Variants in NUP210 observed in about 807,000 individuals in gnomAD.
The protein encoded by NUP210 is nuclear pore membrane glycoprotein 210.
Under a neutral mutation model 196.0 loss-of-function variants are expected in NUP210, and 151 were observed. The ratio of observed to expected loss-of-function variants is 0.77; its 90% confidence interval spans 0.67 to 0.88. The LOEUF is 0.88. Ranked by LOEUF, NUP210 falls within the 40% of genes least tolerant of loss-of-function variation. The pLI is 0.00. For synonymous variants in NUP210, 1,070 were observed against 1,052.7 expected, an observed-to-expected ratio of 1.02 and a Z score of -0.32; for missense variants, 2,314 against 2,493.7, an observed-to-expected ratio of 0.93 and a Z score of 1.53.
intron 1 of NUP210, among the ~76,000 whole-genome samples, chr3:13,408,640 T>C (rs983103305): frequency 6.6e-6 from 1 of 151,966 alleles, no homozygotes; most frequent in Admixed American, 6.6e-5. Context: ...ATACAAAAAT[T>C]AGCCAGGCAT....
rs1329851927 is a variant in NUP210 at position 13,340,583 on chromosome 3, G to A, written c.3229-285C>T. ...AGCTGGGCCGTCCCCTTGGAGGGAT[G>A]GCTTTTATGCAGTTGAGCCATCCCC... On this transcript the variant is annotated intron_variant, in intron 23 of 39. Transcript: ENST00000254508. The surrounding 1 kb of genome is among the most constrained non-coding windows in gnomAD (Gnocchi z 4.0). Among the ~76,000 whole-genome samples, 4 of 152,192 alleles carry A rather than the reference G, an allele frequency of 2.6e-5. No individual in the cohort carries two copies. The highest frequency in any genetic ancestry group is 9.7e-5 in the African/African-American group (4 of 41,446).
At chr3:13,385,748 C>A (rs1198545286) in intron 6 of NUP210, among the ~76,000 whole-genome samples, 2 of 152,202 alleles carry the variant, frequency 1.3e-5, no homozygotes, top group East Asian at 3.9e-4. Flanking sequence ...GCATTACTCA[C>A]AATGGCCAAA....
At chr3:13,391,115 G>T in intron 4 of NUP210, 96 bp downstream of exon 4, 1 of 805,910 alleles carries the variant, frequency 1.2e-6, no homozygotes. Context: ...ACTCCTCAAT[G>T]ACCCAGATGA....
intron 10 of NUP210, 29 bp downstream of exon 10, chr3:13,376,262 G>A: frequency 1.2e-6 from 2 of 1,611,748 alleles, no homozygotes; most frequent in Non-Finnish European, 1.7e-6. Flanking sequence ...CATAGGACAA[G>A]GCACGACGCA....
intron 30 of NUP210, among the ~76,000 whole-genome samples, chr3:13,329,852 G>A (rs1348537953): frequency 1.3e-5 from 2 of 152,220 alleles, no homozygotes; most frequent in Non-Finnish European, 1.5e-5. Context: ...GCAGTGCCAT[G>A]ATATGGCAGA....
chr3:13,366,165 G>A (rs1044581259), intron 13 of NUP210, 74 bp from the exon 14 acceptor site: 43 of 1,461,788 alleles, frequency 2.9e-5, no homozygotes, highest in Non-Finnish European at 3.7e-5. Flanking sequence ...GTCTCGCTGT[G>A]TTGCCCAGGC....
chr3:13,346,032 C>T (rs1430916727), intron 20 of NUP210, among the ~76,000 whole-genome samples: 1 of 152,236 alleles, frequency 6.6e-6, no homozygotes, highest in African/African-American at 2.4e-5. Flanking sequence ...GGCTTTTTCT[C>T]TTTTTTCCTC....
rs1559322836 is a variant in NUP210, at chr3:13,350,479, A to AAAAAC, written c.2835+1395_2835+1399dup. On this transcript the variant is annotated intron_variant, in intron 20 of 39. Coordinates refer to ENST00000254508, the MANE Select transcript of NUP210 (RefSeq NM_024923.4). This position sits in a 1 kb window ranked among gnomAD's most constrained non-coding sequence, Gnocchi z 4.1. ...AAACAAAACAAAACAAAACAAAACA[A>AAAAAC]AAAACAAAACAAAACAGGAAAACAT... Among the ~76,000 whole-genome samples, 3 of 64,252 alleles carry AAAAAC rather than the reference A, an allele frequency of 4.7e-5. No individual in the cohort carries two copies. Among genetic ancestry groups the AAAAAC allele is most frequent in the Admixed American group, 1.5e-4 (1 of 6,692 alleles). The allele number at this position is 64,252 out of a possible 152,430, so 42.2% of individuals were successfully genotyped here. A position where few individuals can be genotyped will look rare whatever the true frequency, so the allele number is the denominator to read the frequency against.
intron 3 of NUP210, among the ~76,000 whole-genome samples, chr3:13,394,620 C>T (rs1699594588): frequency 6.6e-6 from 1 of 152,234 alleles, no homozygotes; most frequent in Non-Finnish European, 1.5e-5. Context: ...TACTGAAGCT[C>T]TCTGAGCCTC....
At chr3:13,320,027 G>GA in intron 36 of NUP210, 48 bp from the exon 37 acceptor site, 2 of 1,557,656 alleles carry the variant, frequency 1.3e-6, no homozygotes, top group South Asian at 2.2e-5. Context: ...AGAGTGGGGG[G>GA]ACCACTGAGC....
At chr3:13,415,730 C>A (rs756808105) in intron 1 of NUP210, among the ~76,000 whole-genome samples, 1 of 152,274 alleles carries the variant, frequency 6.6e-6, no homozygotes, top group South Asian at 2.1e-4. Flanking sequence ...GGCCCTGTTG[C>A]CTCACCTGTG....
Position 13,330,347 on chromosome 3 carries a change from TGTCTACA to T in NUP210, c.4110+106_4110+112del, listed in dbSNP as rs1696944835. ...TTGCCCCTGAGTTACTCTAAATGCCTGTCTACAGTTTCTTAGCTGGAAGGTGAACGTA... is the reference window on the plus strand; with the variant it reads ...TTGCCCCTGAGTTACTCTAAATGCCTGTTTCTTAGCTGGAAGGTGAACGTA... On this transcript the variant is annotated intron_variant, in intron 30 of 39. Transcript: ENST00000254508. 6.9e-6 allele frequency: 7 copies of T among 1,021,272 alleles called. No individual in the cohort carries two copies. In the Admixed American group the frequency reaches 1.1e-4, roughly 16 times the overall value. 63.3% of individuals were successfully genotyped at this position (1,021,272 alleles called of 1,614,324 possible). A position where few individuals can be genotyped will look rare whatever the true frequency, so the allele number is the denominator to read the frequency against.
chr3:13,389,148 T>A (rs988451063), intron 4 of NUP210, among the ~76,000 whole-genome samples: 3 of 152,210 alleles, frequency 2.0e-5, no homozygotes, highest in African/African-American at 7.2e-5. Flanking sequence ...GCACTGTGAT[T>A]TATTTCCTCG....
chr3:13,341,556 G>A (rs546135359), intron 23 of NUP210, among the ~76,000 whole-genome samples, 192 bp downstream of exon 23: 10 of 152,164 alleles, frequency 6.6e-5, no homozygotes, highest in Non-Finnish European at 1.2e-4. Flanking sequence ...CCTCCCTCTG[G>A]TTCTGCCAGT....
At chr3:13,418,060 C>A (rs1003186604) in intron 1 of NUP210, among the ~76,000 whole-genome samples, 3 of 152,224 alleles carry the variant, frequency 2.0e-5, no homozygotes, top group African/African-American at 4.8e-5. Flanking sequence ...TGCCCACATA[C>A]TGAGAGGACA....
rs898643993 is a variant in NUP210, at chr3:13,317,851, G to A, written c.5564-70C>T. The A allele has an allele frequency of 6.3e-6, 7 of 1,102,864 alleles. No homozygotes were observed. In the Admixed American group the frequency reaches 8.5e-5, roughly 13 times the overall value. 68.3% of individuals were successfully genotyped at this position (1,102,864 alleles called of 1,614,324 possible). On this transcript the variant is annotated intron_variant, in intron 39 of 39. Transcript: ENST00000254508. ...GCGGCGCACTCTTCAGTTACAGCCA[G>A]CATTCAGCAGGCGCCTGCCTCACCC...
At chr3:13,368,214 T>C (rs568971660) in intron 13 of NUP210, among the ~76,000 whole-genome samples, 1 of 152,260 alleles carries the variant, frequency 6.6e-6, no homozygotes, top group African/African-American at 2.4e-5. Flanking sequence ...TAGTTGGGAC[T>C]ACAGGAGTGA....
chr3:13,342,605 A>G (rs1224338676), intron 21 of NUP210, among the ~76,000 whole-genome samples: 1 of 152,214 alleles, frequency 6.6e-6, no homozygotes, highest in Non-Finnish European at 1.5e-5. Flanking sequence ...AAGCCACATG[A>G]ACACTCCCCT....
intron 16 of NUP210, among the ~76,000 whole-genome samples, chr3:13,355,201 C>G (rs17038065): frequency 0.1 from 15,694 of 152,234 alleles, 1,727 homozygotes; most frequent in African/African-American, 0.28. Context: ...CCATGAGCAT[C>G]ATTCACAAAC....
Sources: gnomAD v4.1 joint callset for allele counts (sites outside exome capture counted in the v4.1 genomes callset) on GRCh38, gnomAD v4.1.1 for gene constraint, Gnocchi (gnomAD v3.1) non-coding constraint, MANE v1.5 for transcripts, NCBI Gene and HGNC (gene_info 2026-07-23, HGNC 2026-07-21) for gene names.